CDYL2: variants seen among roughly 807,000 people sequenced by gnomAD.
CDYL2 encodes chromodomain Y-like protein 2.
CDYL2 carries 23 observed loss-of-function variants against 49.4 expected under a neutral mutation model. That is an observed-to-expected ratio of 0.47 (90% CI 0.34 to 0.66). The LOEUF (loss-of-function observed/expected upper bound fraction) is 0.66, where lower values mean the gene tolerates loss of function less well. Among genes scored for constraint, CDYL2 ranks in the 30% least tolerant of loss-of-function variants. CDYL2 has a pLI of 0.01. For synonymous variants in CDYL2, 360 were observed against 268.8 expected (o/e 1.34, Z -3.32); for missense variants, 678 against 656.4 (o/e 1.03, Z -0.36).
intron 1 of CDYL2, among the ~76,000 whole-genome samples, chr16:80,758,791 C>A (rs1332346663): frequency 6.6e-6 from 1 of 151,964 alleles, no homozygotes; most frequent in Non-Finnish European, 1.5e-5. Flanking sequence ...ATCCGCCCGC[C>A]TCTGCCTCCC....
At chr16:80,762,343 C>T (rs996416109) in intron 1 of CDYL2, among the ~76,000 whole-genome samples, 21 of 152,108 alleles carry the variant, frequency 1.4e-4, no homozygotes, top group African/African-American at 4.3e-4. Flanking sequence ...TAAGAAAGCA[C>T]GACTGTGCAA....
At chr16:80,704,661 G>A (rs2142504765) in intron 1 of CDYL2, among the ~76,000 whole-genome samples, 1 of 152,364 alleles carries the variant, frequency 6.6e-6, no homozygotes, top group East Asian at 1.9e-4. Flanking sequence ...AGCTGCCACT[G>A]ATTGGAACAG....
intron 5 of CDYL2, among the ~76,000 whole-genome samples, chr16:80,611,660 C>G (rs1205159206): frequency 6.6e-6 from 1 of 152,222 alleles, no homozygotes; most frequent in Non-Finnish European, 1.5e-5. Flanking sequence ...CCACAACTGG[C>G]ACTACCACTG....
Position 80,734,081 on chromosome 16 carries a change from T to C in CDYL2, c.25-48952A>G, listed in dbSNP as rs115602588. Among the ~76,000 whole-genome samples, 1,191 of 152,278 alleles carry C rather than the reference T, an allele frequency of 7.8e-3. 12 individuals carry two copies. The highest frequency in any genetic ancestry group is 0.027 in the African/African-American group (1,101 of 41,546). On this transcript the variant is annotated intron_variant, in intron 1 of 6. Coordinates refer to ENST00000570137, the MANE Select transcript of CDYL2 (RefSeq NM_152342.4). The stretch of plus-strand genomic sequence containing the variant: ...AAGTTACAGTCAAGGAATTTAGTAA[T>C]ACCAAGACCCCATACTTCCTTTAGA...
intron 1 of CDYL2, among the ~76,000 whole-genome samples, chr16:80,757,851 C>A (rs185097257): frequency 6.6e-6 from 1 of 152,106 alleles, no homozygotes; most frequent in Non-Finnish European, 1.5e-5. Flanking sequence ...ATAAATGAGT[C>A]TATTCTTTCC....
At chr16:80,738,923 G>A (rs886276178) in intron 1 of CDYL2, among the ~76,000 whole-genome samples, 22 of 152,146 alleles carry the variant, frequency 1.4e-4, no homozygotes, top group Admixed American at 5.9e-4. Flanking sequence ...TAAAAAAAGC[G>A]CTACATGCTT....
chr16:80,637,188 TA>T (rs962581037), intron 2 of CDYL2, among the ~76,000 whole-genome samples: 2 of 148,468 alleles, frequency 1.3e-5, no homozygotes, highest in East Asian at 2.0e-4. Flanking sequence ...TGTATACATT[TA>T]AAAAAAAATC....
At chr16:80,784,323 C>A (rs1392529414) in intron 1 of CDYL2, among the ~76,000 whole-genome samples, 1 of 152,102 alleles carries the variant, frequency 6.6e-6, no homozygotes, top group Non-Finnish European at 1.5e-5. Flanking sequence ...ACCACTTTAA[C>A]CCATTATCCA....
intron 1 of CDYL2, among the ~76,000 whole-genome samples, chr16:80,770,492 T>G (rs1055132973): frequency 1.1e-4 from 17 of 152,236 alleles, no homozygotes; most frequent in Admixed American, 1.0e-3. Context: ...AAAAATACAT[T>G]TTCTATTTTC....
chr16:80,620,656 A>G, intron 4 of CDYL2, 107 bp downstream of exon 4: 2 of 1,090,720 alleles, frequency 1.8e-6, no homozygotes, highest in South Asian at 4.3e-5. Context: ...TTATGCTAAA[A>G]ATAAAATTCC....
intron 1 of CDYL2, among the ~76,000 whole-genome samples, chr16:80,737,006 CTTTT>C (rs1314262824): frequency 6.6e-6 from 1 of 152,122 alleles, no homozygotes; most frequent in Non-Finnish European, 1.5e-5. Flanking sequence ...CTCTGCCTTT[CTTTT>C]GTTACGTGGG....
chr16:80,779,226 G>A (rs1203041167), intron 1 of CDYL2, among the ~76,000 whole-genome samples: 1 of 151,888 alleles, frequency 6.6e-6, no homozygotes, highest in Non-Finnish European at 1.5e-5. Context: ...AAAATGAAGA[G>A]CTATTCAGAA....
intron 2 of CDYL2, among the ~76,000 whole-genome samples, chr16:80,662,326 T>G (rs1263377717): frequency 6.6e-6 from 1 of 152,172 alleles, no homozygotes; most frequent in African/African-American, 2.4e-5. Flanking sequence ...CAGAAGGAAG[T>G]TAGTGAGACC....
chr16:80,655,287 A>G (rs1291725134), intron 2 of CDYL2, among the ~76,000 whole-genome samples: 1 of 152,174 alleles, frequency 6.6e-6, no homozygotes, highest in African/African-American at 2.4e-5. Flanking sequence ...CCATCTCCTC[A>G]TTTTATTCAT....
chr16:80,753,366 T>C (rs1906200155), intron 1 of CDYL2, among the ~76,000 whole-genome samples: 1 of 152,078 alleles, frequency 6.6e-6, no homozygotes. Context: ...CCCAGCATTT[T>C]GGTAGGGCGA....
intron 2 of CDYL2, among the ~76,000 whole-genome samples, chr16:80,647,467 T>C (rs1311377748): frequency 3.3e-5 from 5 of 152,124 alleles, no homozygotes; most frequent in African/African-American, 1.2e-4. Flanking sequence ...TACAGAGCTA[T>C]CTTTATATCT....
chr16:80,724,198 G>GGAAGGAAGAGGA (rs1311937946), intron 1 of CDYL2, among the ~76,000 whole-genome samples: 2 of 146,360 alleles, frequency 1.4e-5, no homozygotes, highest in Non-Finnish European at 3.0e-5. Flanking sequence ...GAGGAGGAGG[G>GGAAGGAAGAGGA]GAAGGAAGAG....
intron 1 of CDYL2, among the ~76,000 whole-genome samples, chr16:80,757,640 A>C (rs904009691): frequency 6.6e-6 from 1 of 151,602 alleles, no homozygotes; most frequent in Non-Finnish European, 1.5e-5. Flanking sequence ...TAAATATTTG[A>C]TATCTATATA....
intron 1 of CDYL2, among the ~76,000 whole-genome samples, chr16:80,781,984 G>C (rs1479911966): frequency 6.6e-6 from 1 of 151,730 alleles, no homozygotes; most frequent in Non-Finnish European, 1.5e-5. Context: ...TGCATATCTT[G>C]AGTAAATTTA....
Sources: allele counts gnomAD v4.1 joint callset (sites outside exome capture counted in the v4.1 genomes callset), GRCh38; gene constraint gnomAD v4.1.1; transcripts MANE v1.5; gene names NCBI Gene and HGNC (gene_info 2026-07-23, HGNC 2026-07-21).